The following ODF2 variants were observed in gnomAD, a reference collection of about 807,000 sequenced individuals.
ODF2 encodes the protein outer dense fiber of sperm tails 2.
In ODF2, 47 loss-of-function variants were observed where a neutral mutation model predicts 110.2. That is an observed-to-expected ratio of 0.43 (90% CI 0.34 to 0.54). The LOEUF (loss-of-function observed/expected upper bound fraction) is 0.54, where lower values mean the gene tolerates loss of function less well. Ranked by LOEUF, ODF2 falls within the 20% of genes least tolerant of loss-of-function variation. The probability of loss-of-function intolerance (pLI) is 0.03; values close to 1 mark genes in which losing one functional copy is unlikely to be tolerated. For synonymous variants in ODF2, 352 were observed against 397.7 expected (o/e 0.89, Z 1.37); for missense variants, 812 against 1,054.5 (o/e 0.77, Z 3.19).
chr9:128,487,802 AAAACAC>A (rs1230387080), intron 13 of ODF2, 82 bp from the exon 14 acceptor site: 6 of 1,224,994 alleles, frequency 4.9e-6, no homozygotes, highest in South Asian at 1.4e-5. Context: ...ACAAACAAAC[AAAACAC>A]ACACACACAC....
At chr9:128,466,904 G>C (rs560889397) in intron 4 of ODF2, among the ~76,000 whole-genome samples, 1 of 141,386 alleles carries the variant, frequency 7.1e-6, no homozygotes, top group Non-Finnish European at 1.5e-5. Context: ...GTGAACCTGG[G>C]AGGCGGAGCT....
chr9:128,472,828 C>A, intron 6 of ODF2, 85 bp from the exon 7 acceptor site: 1 of 1,586,540 alleles, frequency 6.3e-7, no homozygotes, highest in South Asian at 1.1e-5. Flanking sequence ...AGAGGTGAGC[C>A]CCCTAGGGCA....
At chr9:128,484,478 C>T (rs1177499287) in intron 11 of ODF2, among the ~76,000 whole-genome samples, 2 of 152,138 alleles carry the variant, frequency 1.3e-5, no homozygotes, top group African/African-American at 4.8e-5. Context: ...ATCAAGACCC[C>T]ATGGGCTGAG....
chr9:128,469,983 C>CAAACAA (rs1839313406), intron 5 of ODF2, among the ~76,000 whole-genome samples: 1 of 6,366 alleles, frequency 1.6e-4, no homozygotes. Context: ...GTCTCTGTCT[C>CAAACAA]AAAAAAAAAA....
At chr9:128,457,376 T>C in exon 2 of ODF2, 1 of 1,612,934 alleles carries the variant, frequency 6.2e-7, no homozygotes, top group Non-Finnish European at 8.5e-7. Context: ...CTGACCCAAT[T>C]GCCCACCTTT....
intron 16 of ODF2, 39 bp downstream of exon 16, chr9:128,492,844 T>A: frequency 6.5e-7 from 1 of 1,532,202 alleles, no homozygotes; most frequent in Non-Finnish European, 9.0e-7. Context: ...CCTACCCAAT[T>A]CCATATCTAA....
chr9:128,473,158 G>A (rs964942798), intron 7 of ODF2, 116 bp downstream of exon 7: 3 of 1,505,690 alleles, frequency 2.0e-6, no homozygotes, highest in Non-Finnish European at 2.7e-6. Flanking sequence ...TTCAGGCTGG[G>A]GGAGAGCACG....
Position 128,484,073 on chromosome 9 carries a change from A to T in ODF2, c.1104+19A>T. Reference sequence around the variant, plus strand: ...GATTAAGGTACCTATTGGCCCCACAAGTGGGGAAAGAGGAGGCAAGGGCCT... The same window carrying T: ...GATTAAGGTACCTATTGGCCCCACATGTGGGGAAAGAGGAGGCAAGGGCCT... On this transcript the variant is annotated intron_variant, in intron 11 of 20. Transcript: ENST00000604420. The T allele has an allele frequency of 6.4e-7, 1 of 1,567,348 alleles. No individual in the cohort carries two copies. The highest frequency in any genetic ancestry group is 8.7e-7 in the Non-Finnish European group (1 of 1,144,496).
intron 14 of ODF2, 139 bp from the exon 15 acceptor site, chr9:128,492,287 G>A (rs764188879): frequency 9.2e-5 from 60 of 651,746 alleles, no homozygotes; most frequent in African/African-American, 3.7e-4. Flanking sequence ...CCTGCTTCTC[G>A]GTGCTTCTCT....
intron 13 of ODF2, among the ~76,000 whole-genome samples, chr9:128,486,379 G>C (rs929299004): frequency 6.6e-6 from 1 of 152,212 alleles, no homozygotes; most frequent in Non-Finnish European, 1.5e-5. Context: ...GTACAGGGGA[G>C]GGGTCAGGGA....
chr9:128,474,733 G>A (rs975435926), intron 8 of ODF2, among the ~76,000 whole-genome samples: 8 of 151,870 alleles, frequency 5.3e-5, no homozygotes, highest in Non-Finnish European at 1.2e-4. Flanking sequence ...AGGCCGAGGC[G>A]GGCGGATCAC....
chr9:128,455,214 ACCT>A, upstream of ODF2: 1 of 1,535,466 alleles, frequency 6.5e-7, no homozygotes, highest in Non-Finnish European at 8.7e-7. Context: ...ACCAGCAAGG[ACCT>A]CATCAGAATA....
At chr9:128,467,106 A>C (rs190672152) in intron 4 of ODF2, among the ~76,000 whole-genome samples, 3 of 131,142 alleles carry the variant, frequency 2.3e-5, no homozygotes, top group Non-Finnish European at 4.7e-5. Context: ...ACATGTTGTT[A>C]GGCACTTTCA....
At chr9:128,460,260 A>G in intron 3 of ODF2, 1 of 1,349,536 alleles carries the variant, frequency 7.4e-7, no homozygotes, top group Non-Finnish European at 9.7e-7. Flanking sequence ...TCCAGCCCTA[A>G]GAACCCTGGG....
intron 9 of ODF2, among the ~76,000 whole-genome samples, chr9:128,481,919 T>A (rs1003388940): frequency 6.6e-6 from 1 of 152,186 alleles, no homozygotes. Context: ...ATCATCCGTG[T>A]CTGTTAAAGC....
At chr9:128,496,411 G>GT (rs1350559691) in intron 18 of ODF2, 6 of 1,201,680 alleles carry the variant, frequency 5.0e-6, no homozygotes, top group Non-Finnish European at 3.3e-6. Flanking sequence ...GGCATGCCTG[G>GT]TCCAGGCCTG....
chr9:128,460,856 C>T lies in ODF2; in HGVS notation c.124-86C>T. The T allele has an allele frequency of 1.9e-6, 3 of 1,581,684 alleles. No individual in the cohort carries two copies. The South Asian group carries it at 3.4e-5, about 18-fold the overall frequency. On this transcript the variant is annotated intron_variant, in intron 3 of 20. Coordinates refer to ENST00000604420, the Ensembl canonical transcript of ODF2. ...GCAGTAACATTAGTCAGAAGAGGCA[C>T]TCTGCTAGTCGGAGAGGGATGTCAC... is the stretch of plus-strand genomic sequence containing the variant.
upstream of ODF2, chr9:128,455,341 G>A (rs1360203848): frequency 5.9e-6 from 5 of 845,668 alleles, no homozygotes; most frequent in Non-Finnish European, 9.2e-6. Flanking sequence ...CATGAGGTCA[G>A]GAGATGGAGA....
rs765745329 is a variant in ODF2 at position 128,484,896 on chromosome 9, C to T, written c.1290+10C>T. On this transcript the variant is annotated intron_variant, in intron 12 of 20. Transcript: ENST00000604420. The stretch of plus-strand genomic sequence containing the variant: ...GCAACTCGCTGACAAGGTCGCAGGC[C>T]CGCGGTGCCCAGCTCCTCACCTGCC... The T allele has an allele frequency of 6.2e-7, 1 of 1,611,660 alleles. No individual in the cohort carries two copies. The highest frequency in any genetic ancestry group is 2.2e-5 in the East Asian group (1 of 44,806).
Sources: gnomAD v4.1 joint callset for allele counts (sites outside exome capture counted in the v4.1 genomes callset) on GRCh38, gnomAD v4.1.1 for gene constraint, MANE v1.5 for transcripts, NCBI Gene and HGNC (gene_info 2026-07-23, HGNC 2026-07-21) for gene names.